TDRD9: variants seen among roughly 807,000 people sequenced by gnomAD.
TDRD9 encodes the protein ATP-dependent RNA helicase TDRD9.
Under a neutral mutation model 172.6 loss-of-function variants are expected in TDRD9, and 124 were observed. That is an observed-to-expected ratio of 0.72 (90% CI 0.62 to 0.83). The LOEUF is 0.83. Among genes scored for constraint, TDRD9 ranks in the 40% least tolerant of loss-of-function variants. The pLI, the probability that TDRD9 is intolerant of heterozygous loss-of-function variation, is 0.00. For missense variants in TDRD9, 1,479 were observed against 1,714.1 expected, an observed-to-expected ratio of 0.86 and a Z score of 2.42; for synonymous variants, 619 against 617.1, an observed-to-expected ratio of 1.00 and a Z score of -0.05.
At chr14:103,942,063 G>C in intron 1 of TDRD9, 1 of 202,916 alleles carries the variant, frequency 4.9e-6, no homozygotes. Context: ...TTTGATTTAT[G>C]TTTTGGACAG....
intron 2 of TDRD9, among the ~76,000 whole-genome samples, chr14:103,958,484 CCTT>C (rs2032351400): frequency 6.6e-6 from 1 of 152,162 alleles, no homozygotes; most frequent in African/African-American, 2.4e-5. Context: ...GAATATATCA[CCTT>C]CATGGTAAAG....
chr14:103,980,736 A>G lies in TDRD9; in HGVS notation c.1011+5183A>G, dbSNP rs2033439628. 6.6e-6 allele frequency among the ~76,000 whole-genome samples: 1 copy of G among 151,970 alleles called. No homozygotes were observed. On this transcript the variant is annotated intron_variant, in intron 7 of 35. Transcript: ENST00000409874. The surrounding 1 kb of genome is among the most constrained non-coding windows in gnomAD (Gnocchi z 4.5). ...TAGCGGGTGTTTTTCCTTGACACTG[A>G]CGCTACCACTAGACCACGGCTAGAC...
chr14:103,974,719 C>A (rs372130811), intron 6 of TDRD9, among the ~76,000 whole-genome samples: 1 of 152,132 alleles, frequency 6.6e-6, no homozygotes, highest in East Asian at 1.9e-4. Context: ...TAGATCACTG[C>A]AGCCTCGACC....
chr14:103,941,191 C>T lies in TDRD9; in HGVS notation c.215+12467C>T, dbSNP rs971582500. 3.7e-6 allele frequency: 4 copies of T among 1,091,800 alleles called. No individual in the cohort carries two copies. The African/African-American group carries it at 6.3e-5, about 17-fold the overall frequency. 67.6% of individuals were successfully genotyped at this position (1,091,800 alleles called of 1,614,324 possible). On this transcript the variant is annotated intron_variant, in intron 1 of 35. Transcript: ENST00000409874. ...CAAAATACAGCTTGAATAATGTATA[C>T]AAGTTACCCACCTTTTGAGTATTTT...
At chr14:104,041,647 C>CT (rs2035614933) in intron 33 of TDRD9, among the ~76,000 whole-genome samples, 1 of 152,204 alleles carries the variant, frequency 6.6e-6, no homozygotes, top group Admixed American at 6.5e-5. Flanking sequence ...GCACCACCTA[C>CT]TTACTGGAAT....
chr14:103,979,412 A>G (rs771974942), intron 7 of TDRD9, among the ~76,000 whole-genome samples: 1 of 152,250 alleles, frequency 6.6e-6, no homozygotes, highest in Non-Finnish European at 1.5e-5. Flanking sequence ...TCTGCAGGCT[A>G]TACAAGAACC....
intron 26 of TDRD9, 90 bp from the exon 27 acceptor site, chr14:104,025,957 A>G: frequency 9.9e-7 from 1 of 1,009,070 alleles, no homozygotes; most frequent in Non-Finnish European, 1.5e-6. Context: ...CTATAATTAT[A>G]GGATTAGAGC....
At chr14:103,999,721 G>T (rs1311663296) in intron 13 of TDRD9, among the ~76,000 whole-genome samples, 2 of 114,064 alleles carry the variant, frequency 1.8e-5, no homozygotes, top group Non-Finnish European at 3.8e-5. Context: ...AATAATAAAG[G>T]CAACATTGAT....
chr14:103,968,279 T>C (rs979804230), intron 5 of TDRD9, among the ~76,000 whole-genome samples: 20 of 152,260 alleles, frequency 1.3e-4, no homozygotes, highest in Admixed American at 3.3e-4. Context: ...TGCCTCTGTC[T>C]GGTGCGGTGT....
At chr14:103,998,417 A>G (rs1052209908) in intron 12 of TDRD9, among the ~76,000 whole-genome samples, 2 of 152,044 alleles carry the variant, frequency 1.3e-5, no homozygotes, top group African/African-American at 2.4e-5. Context: ...CTTTACACCT[A>G]GAGACTCCCT....
intron 35 of TDRD9, 70 bp from the exon 36 acceptor site, chr14:104,051,911 T>A (rs1195651867): frequency 1.1e-6 from 1 of 910,636 alleles, no homozygotes; most frequent in Non-Finnish European, 1.8e-6. Context: ...TGGATGTTAA[T>A]GCATGTGTAT....
intron 32 of TDRD9, 40 bp downstream of exon 32, chr14:104,035,096 G>A: frequency 6.6e-7 from 1 of 1,510,696 alleles, no homozygotes; most frequent in East Asian, 2.5e-5. Context: ...TGTAAAATAA[G>A]AACCTGGGCG....
chr14:104,008,658 A>G (rs1389369735), intron 20 of TDRD9, among the ~76,000 whole-genome samples, 192 bp downstream of exon 20: 1 of 152,210 alleles, frequency 6.6e-6, no homozygotes, highest in Non-Finnish European at 1.5e-5. Flanking sequence ...TGGGTTTCTA[A>G]TAAATACTCC....
chr14:103,941,053 T>C (rs1001558113), intron 1 of TDRD9: 27 of 1,535,256 alleles, frequency 1.8e-5, no homozygotes, highest in Non-Finnish European at 2.3e-5. Flanking sequence ...CTTGAAGATG[T>C]AGACTATTTC....
Position 103,965,409 on chromosome 14 carries a change from C to T in TDRD9, c.497C>T (p.Pro166Leu), listed in dbSNP as rs1324057354. 5.2e-6 allele frequency: 8 copies of T among 1,551,616 alleles called. No homozygotes were observed. The highest frequency in any genetic ancestry group is 1.4e-5 in the African/African-American group (1 of 73,114). ...ATGSGKSTQL[P>L]QYILDHYVQR... ...GGAAGCGGTAAAAGCACTCAGCTCC[C>T]GCAGTATATCTTGGACCACTACGTT... The change falls in exon 4 of 36, where the codon CCG becomes CTG. Residue 166 changes from proline to leucine, a missense_variant. Pro to Leu is a moderately conservative substitution (Grantham distance 98, BLOSUM62 -3). This residue lies in a region of TDRD9 where 1,413 missense variants were observed against 1,649.1 expected (regional missense o/e 0.86). Coordinates refer to ENST00000409874, the MANE Select transcript of TDRD9 (RefSeq NM_153046.3).
chr14:103,976,898 C>T (rs1188398891), intron 7 of TDRD9, among the ~76,000 whole-genome samples: 3 of 151,884 alleles, frequency 2.0e-5, no homozygotes, highest in African/African-American at 7.3e-5. Flanking sequence ...GCTCTGTCAC[C>T]CAGGCTGGAG....
At chr14:104,032,645 T>TTACAATTGTTATTCAGC (rs2035320493) in intron 30 of TDRD9, among the ~76,000 whole-genome samples, 2 of 152,262 alleles carry the variant, frequency 1.3e-5, no homozygotes, top group African/African-American at 4.8e-5. Flanking sequence ...TCTGTTCTTG[T>TTACAATTGTTATTCAGC]TACAATTGTT....
At chr14:104,048,494 C>G (rs1566808764) in intron 34 of TDRD9, among the ~76,000 whole-genome samples, 1 of 152,164 alleles carries the variant, frequency 6.6e-6, no homozygotes, top group Non-Finnish European at 1.5e-5. Flanking sequence ...AGTGCTTAGC[C>G]AGTGATCAAT....
At position 104,031,351 on chromosome 14, in the gene TDRD9, G is replaced by C. The variant is rs554802370; in HGVS notation, c.3438+88G>C. On this transcript the variant is annotated intron_variant, in intron 29 of 35. Transcript: ENST00000409874. ...GGAGTTGTAGTCAGTAGTCATGGTG[G>C]TTTTTTCTTTTCTGGCTTTTAATGC... 20 of 1,211,286 alleles carry C rather than the reference G, an allele frequency of 1.7e-5. No homozygotes were observed. The African/African-American group carries it at 2.9e-4, about 18-fold the overall frequency. 75.0% of individuals were successfully genotyped at this position (1,211,286 alleles called of 1,614,324 possible). A position where few individuals can be genotyped will look rare whatever the true frequency, so the allele number is the denominator to read the frequency against.
Sources: gnomAD v4.1 joint callset for allele counts (sites outside exome capture counted in the v4.1 genomes callset) on GRCh38, gnomAD v4.1.1 for gene constraint, gnomAD v4.1.1 regional missense constraint, Gnocchi (gnomAD v3.1) non-coding constraint, MANE v1.5 for transcripts, NCBI Gene and HGNC (gene_info 2026-07-23, HGNC 2026-07-21) for gene names.